The following ARSG variants were observed in gnomAD, a reference collection of about 807,000 sequenced individuals.
ARSG encodes the protein arylsulfatase G.
ARSG carries 37 observed loss-of-function variants against 50.5 expected under a neutral mutation model. That is an observed-to-expected ratio of 0.73 (90% CI 0.56 to 0.96). ARSG has a LOEUF of 0.96. Among genes scored for constraint, ARSG ranks in the 50% least tolerant of loss-of-function variants. The pLI, the probability that ARSG is intolerant of heterozygous loss-of-function variation, is 0.00. For synonymous variants in ARSG, 225 were observed against 254.6 expected, an observed-to-expected ratio of 0.88 and a Z score of 1.11; for missense variants, 629 against 675.3, an observed-to-expected ratio of 0.93 and a Z score of 0.76.
chr17:68,296,709 A>T (rs1337745624), intron 1 of ARSG, among the ~76,000 whole-genome samples: 1 of 151,890 alleles, frequency 6.6e-6, no homozygotes, highest in Non-Finnish European at 1.5e-5. Context: ...TCCATAGCCC[A>T]CTCGTGAGCA....
chr17:68,387,180 G>C (rs2080771919), intron 9 of ARSG, among the ~76,000 whole-genome samples: 1 of 151,794 alleles, frequency 6.6e-6, no homozygotes, highest in Non-Finnish European at 1.5e-5. Context: ...CCAGACTGTA[G>C]TGCAGTGCCA....
chr17:68,437,014 A>G, the ARSG span, among the ~76,000 whole-genome samples: 17,906 of 81,738 alleles, frequency 0.22, 1,240 homozygotes, highest in South Asian at 0.35. Context: ...AAATATATAT[A>G]TATGTGTGTG....
chr17:68,271,746 AT>A lies in ARSG; in HGVS notation c.-552+12324del. ...CCATCAAGAAGAAATATGGATCCAG[AT>A]TTTGTTATAAGTTCTGTGGAAATTT... On this transcript the variant is annotated intron_variant, in intron 1 of 11. Coordinates refer to the ARSG transcript ENST00000448504. This position sits in a 1 kb window ranked among gnomAD's most constrained non-coding sequence, Gnocchi z 5.3. The A allele has an allele frequency of 1.1e-6, 1 of 937,246 alleles. No individual in the cohort carries two copies. Among genetic ancestry groups the A allele is most frequent in the Non-Finnish European group, 1.6e-6 (1 of 624,138 alleles). 58.1% of individuals were successfully genotyped at this position (937,246 alleles called of 1,614,324 possible).
chr17:68,278,004 C>T, intron 1 of ARSG: 1 of 874,298 alleles, frequency 1.1e-6, no homozygotes, highest in Non-Finnish European at 1.8e-6. Flanking sequence ...GAAAGCATCA[C>T]AAACACATCG....
chr17:68,330,981 G>C (rs866336613), intron 2 of ARSG, among the ~76,000 whole-genome samples: 1,589 of 127,116 alleles, frequency 0.013, 62 homozygotes, highest in African/African-American at 0.043. Context: ...TTTTTTGCGG[G>C]GGGGGGGGGA....
At chr17:68,322,681 C>T (rs188712689) in intron 2 of ARSG, among the ~76,000 whole-genome samples, 4 of 151,776 alleles carry the variant, frequency 2.6e-5, no homozygotes, top group Admixed American at 1.3e-4. Context: ...AAGATGAGGA[C>T]GTTAACAAGC....
chr17:68,329,683 A>G (rs2077645868), intron 2 of ARSG, among the ~76,000 whole-genome samples: 1 of 152,224 alleles, frequency 6.6e-6, no homozygotes. Context: ...ATAAGAACCC[A>G]TGAAAGGGTT....
Position 68,307,397 on chromosome 17 carries a change from C to G in ARSG, c.-97C>G. ...AGATTCCACCCCTGCTCCCCAGAGA[C>G]TTCCTGCTTTGAAAGTGAGCAGAAA... On this transcript the variant is annotated 5_prime_UTR_variant, in exon 2 of 12. Coordinates refer to ENST00000621439, the MANE Select transcript of ARSG (RefSeq NM_001267727.2). 1.0e-6 allele frequency: 1 copy of G among 970,522 alleles called. No homozygotes were observed. Among genetic ancestry groups the G allele is most frequent in the Non-Finnish European group, 1.6e-6 (1 of 626,890 alleles). 60.1% of individuals were successfully genotyped at this position (970,522 alleles called of 1,614,324 possible).
At chr17:68,262,792 G>GA (rs1396027601) in intron 1 of ARSG, among the ~76,000 whole-genome samples, 1 of 152,172 alleles carries the variant, frequency 6.6e-6, no homozygotes, top group East Asian at 1.9e-4. Flanking sequence ...TGGATGTGTG[G>GA]AGGAGTGGGT....
At chr17:68,438,356 G>T in the ARSG span, among the ~76,000 whole-genome samples, 1 of 152,160 alleles carries the variant, frequency 6.6e-6, no homozygotes, top group South Asian at 2.1e-4. Context: ...CACCCCTTCT[G>T]AATTCTTTGC....
At chr17:68,342,131 T>G (rs1279672992) in intron 2 of ARSG, among the ~76,000 whole-genome samples, 1 of 152,048 alleles carries the variant, frequency 6.6e-6, no homozygotes, top group African/African-American at 2.4e-5. Flanking sequence ...CAGTCAATTC[T>G]TGTTATTGAT....
At position 68,420,621 on chromosome 17, in the gene ARSG, C is replaced by G; in HGVS notation, c.*158C>G. On this transcript the variant is annotated 3_prime_UTR_variant, in exon 12 of 12. Coordinates refer to ENST00000621439, the MANE Select transcript of ARSG (RefSeq NM_001267727.2). ...ATATCCCTTCTGTATCCTGTCCCTC[C>G]TCCACGCCGACCCGAGAGCAGCTGA... 1 of 859,066 alleles carries G rather than the reference C, an allele frequency of 1.2e-6. No individual in the cohort carries two copies. The highest frequency in any genetic ancestry group is 1.8e-6 in the Non-Finnish European group (1 of 562,156). The allele number at this position is 859,066 out of a possible 1,614,324, so 53.2% of individuals were successfully genotyped here.
chr17:68,401,937 A>G (rs185499383), intron 11 of ARSG, among the ~76,000 whole-genome samples: 118 of 152,302 alleles, frequency 7.7e-4, no homozygotes, highest in African/African-American at 2.7e-3. Flanking sequence ...CTGTATCAGG[A>G]TGGTCCTCAG....
At chr17:68,421,535 G>A, downstream of ARSG, 4 of 554,856 alleles carry the variant, frequency 7.2e-6, no homozygotes, top group South Asian at 6.7e-5. Context: ...TTACACTATA[G>A]TTTGAACGTA....
chr17:68,435,175 C>T, the ARSG span, among the ~76,000 whole-genome samples: 1 of 150,742 alleles, frequency 6.6e-6, no homozygotes. Flanking sequence ...CCATTGCACT[C>T]CAGCCTGGGC....
rs376437963 is a variant in ARSG at position 68,307,474 on chromosome 17, G to A, written c.-20G>A. On this transcript the variant is annotated 5_prime_UTR_variant, in exon 2 of 12. Transcript: ENST00000621439. ...GTGGCTGCCGTCGCTCCAGACAATC[G>A]GAATCCTGCCTTCACCACCATGGGC... 41 of 1,600,428 alleles carry A rather than the reference G, an allele frequency of 2.6e-5. No homozygotes were observed. The highest frequency in any genetic ancestry group is 1.7e-4 in the Admixed American group (10 of 59,374).
intron 2 of ARSG, among the ~76,000 whole-genome samples, chr17:68,323,680 C>T (rs2077384113): frequency 1.3e-5 from 2 of 152,136 alleles, no homozygotes; most frequent in Non-Finnish European, 2.9e-5. Flanking sequence ...CGGGTTTCCA[C>T]ATATGAATTT....
rs547338390 is a variant in ARSG at position 68,333,631 on chromosome 17, A to T, written c.219-9973A>T. Among the ~76,000 whole-genome samples the T allele has an allele frequency of 8.9e-3, 1,275 of 142,770 alleles. 15 individuals carry two copies. Among genetic ancestry groups the T allele is most frequent in the African/African-American group, 0.031 (1,209 of 38,932 alleles). The allele number at this position is 142,770 out of a possible 152,430, so 93.7% of individuals were successfully genotyped here. ...CAACAAGGGCAAAACTCTGTCTCAAAAATAATAATAATAATAATAATAATA... is the reference window on the plus strand; with the variant it reads ...CAACAAGGGCAAAACTCTGTCTCAATAATAATAATAATAATAATAATAATA... On this transcript the variant is annotated intron_variant, in intron 2 of 11. Coordinates refer to ENST00000621439, the MANE Select transcript of ARSG (RefSeq NM_001267727.2).
rs190776627 is a variant in ARSG, at chr17:68,269,067, C to T, written c.-552+9641C>T. The T allele has an allele frequency of 1.4e-3, 2,179 of 1,581,926 alleles. 89 individuals are homozygous for T. In the African/African-American group the frequency reaches 0.026, roughly 19 times the overall value. On this transcript the variant is annotated intron_variant, in intron 1 of 11. Transcript: ENST00000448504. ...GCCCACCCCATCCCTCTCCAGCCAA[C>T]ACAGTGGCTGTTGTTGTAAGAAAGT...
Sources: gnomAD v4.1 joint callset for allele counts (sites outside exome capture counted in the v4.1 genomes callset) on GRCh38, gnomAD v4.1.1 for gene constraint, Gnocchi (gnomAD v3.1) non-coding constraint, MANE v1.5 for transcripts, NCBI Gene and HGNC (gene_info 2026-07-23, HGNC 2026-07-21) for gene names.